Variants in PGM1 observed in about 807,000 individuals in gnomAD.
PGM1 encodes the protein phosphoglucomutase-1.
PGM1 carries 52 observed loss-of-function variants against 55.6 expected under a neutral mutation model. The observed-to-expected ratio is 0.94, with a 90% CI of 0.75 to 1.18. The LOEUF is 1.18. PGM1 is among the 50% of genes most tolerant of loss of function. The pLI, the probability that PGM1 is intolerant of heterozygous loss-of-function variation, is 0.00. For missense variants in PGM1, 724 were observed against 729.3 expected (o/e 0.99, Z 0.08); for synonymous variants, 287 against 271.7 (o/e 1.06, Z -0.55).
intron 7 of PGM1, among the ~76,000 whole-genome samples, chr1:63,643,576 T>C (rs1397820430): frequency 6.6e-6 from 1 of 152,132 alleles, no homozygotes; most frequent in Non-Finnish European, 1.5e-5. Flanking sequence ...TCTGAGGAGC[T>C]CACCTTCCTT....
intron 1 of PGM1, among the ~76,000 whole-genome samples, chr1:63,609,682 G>T (rs1648516133): frequency 6.6e-6 from 1 of 152,170 alleles, no homozygotes; most frequent in Non-Finnish European, 1.5e-5. Context: ...CTCTAGGAGT[G>T]AGCCACACCT....
intron 10 of PGM1, among the ~76,000 whole-genome samples, chr1:63,656,739 A>G (rs1384012896): frequency 6.6e-6 from 1 of 152,220 alleles, no homozygotes; most frequent in Non-Finnish European, 1.5e-5. Context: ...CAGAAAGGCA[A>G]ATACTGCATG....
At chr1:63,652,289 G>A (rs1173904677) in intron 9 of PGM1, among the ~76,000 whole-genome samples, 6 of 152,166 alleles carry the variant, frequency 3.9e-5, no homozygotes, top group Non-Finnish European at 5.9e-5. Flanking sequence ...CGTTTCTCTC[G>A]TATGTTCTAA....
chr1:63,658,752 CA>C (rs35160588), intron 10 of PGM1, among the ~76,000 whole-genome samples: 41,834 of 119,360 alleles, frequency 0.35, 6,132 homozygotes, highest in African/African-American at 0.46. Flanking sequence ...AACTCCATCT[CA>C]AAAAAAAAAA....
intron 10 of PGM1, among the ~76,000 whole-genome samples, chr1:63,655,459 C>T (rs1176449852): frequency 6.6e-6 from 1 of 152,144 alleles, no homozygotes; most frequent in African/African-American, 2.4e-5. Context: ...AGACCTGCAG[C>T]TTGGTAAGCT....
At chr1:63,607,200 A>G (rs190049173) in intron 1 of PGM1, among the ~76,000 whole-genome samples, 2 of 152,288 alleles carry the variant, frequency 1.3e-5, no homozygotes, top group Non-Finnish European at 2.9e-5. Context: ...TAGACTTTAC[A>G]TGGACCAAAT....
In PGM1 at chr1:63,638,784, G is replaced by A. The variant is rs762967889; in HGVS notation, c.1128G>A (p.Glu376=). Residue 376 remains glutamate, a synonymous_variant, in exon 7 of 11, where the codon GAG becomes GAA. Transcript: ENST00000371084. The part of the protein sequence containing the change: ...MDASKLSLCG[E]ESFGTGSDHI... ...CGAGCAAACTGTCCCTTTGTGGGGA[G>A]GAGAGCTTCGGGACCGGTAAGTCAC... 3 of 1,613,132 alleles carry A rather than the reference G, an allele frequency of 1.9e-6. No homozygotes were observed. The highest frequency in any genetic ancestry group is 3.3e-5 in the Admixed American group (2 of 60,018).
intron 1 of PGM1, among the ~76,000 whole-genome samples, chr1:63,595,851 A>G (rs2301063): frequency 0.19 from 29,361 of 152,154 alleles, 3,090 homozygotes; most frequent in African/African-American, 0.28. Flanking sequence ...AAGACTAAAA[A>G]AAAAAGTTCT....
intron 1 of PGM1, chr1:63,594,214 A>G: frequency 1.2e-6 from 1 of 826,554 alleles, no homozygotes; most frequent in Middle Eastern, 6.0e-4. Context: ...CTCGGCTAGG[A>G]CTGGCGCTTC....
At chr1:63,643,338 G>A (rs926723655) in intron 7 of PGM1, among the ~76,000 whole-genome samples, 3 of 152,196 alleles carry the variant, frequency 2.0e-5, no homozygotes, top group Admixed American at 6.5e-5. Flanking sequence ...TATGTGCTTG[G>A]TACATGCTGG....
chr1:63,636,442 C>T lies in PGM1; in HGVS notation c.1028+54C>T, dbSNP rs905323893. Reference sequence around the variant, plus strand: ...TGTCTTAGGTCGTCCCAGTCTTCACCATACCCTTCACTGTGCCTGGAACAC... The same window carrying T: ...TGTCTTAGGTCGTCCCAGTCTTCACTATACCCTTCACTGTGCCTGGAACAC... On this transcript the variant is annotated intron_variant, in intron 6 of 10. Transcript: ENST00000371084. 27 of 1,554,742 alleles carry T rather than the reference C, an allele frequency of 1.7e-5. No homozygotes were observed. The East Asian group carries it at 2.0e-4, about 12-fold the overall frequency.
intron 1 of PGM1, among the ~76,000 whole-genome samples, chr1:63,613,840 T>G (rs1033972675): frequency 2.2e-4 from 34 of 152,230 alleles, no homozygotes; most frequent in Non-Finnish European, 1.6e-4. Flanking sequence ...CAGTAGCCCT[T>G]TGGGAGTCAC....
At chr1:63,654,269 A>T (rs903553832) in intron 9 of PGM1, 63 bp from the exon 10 acceptor site, 1 of 1,551,406 alleles carries the variant, frequency 6.4e-7, no homozygotes, top group Non-Finnish European at 8.9e-7. Flanking sequence ...TAGACCCCTC[A>T]TAATTTGCCA....
rs66609334 is a variant in PGM1, at chr1:63,627,065, CCACA to C, written c.247-2348_247-2345del. 2.3e-3 allele frequency among the ~76,000 whole-genome samples: 223 copies of C among 98,286 alleles called. 8 individuals carry two copies. In the East Asian group the frequency reaches 0.061, roughly 27 times the overall value. 64.5% of individuals were successfully genotyped at this position (98,286 alleles called of 152,430 possible). ...GGCATATGGCAGGACCCCCCCCCCC[CCACA>C]CACACACACACTTTTAAGGCTGAAT... On this transcript the variant is annotated intron_variant, in intron 1 of 10. Coordinates refer to ENST00000371084, the MANE Select transcript of PGM1 (RefSeq NM_002633.3).
At chr1:63,625,397 T>C (rs1322420868) in intron 1 of PGM1, among the ~76,000 whole-genome samples, 1 of 152,236 alleles carries the variant, frequency 6.6e-6, no homozygotes, top group Non-Finnish European at 1.5e-5. Context: ...GCACTGCATT[T>C]AAAACAGTCA....
chr1:63,658,543 G>A (rs908308018), intron 10 of PGM1, among the ~76,000 whole-genome samples: 7 of 151,838 alleles, frequency 4.6e-5, no homozygotes, highest in Middle Eastern at 3.4e-3. Flanking sequence ...ACCTGAGGTC[G>A]GGAGTTCAAG....
chr1:63,634,628 C>T (rs1649312581), intron 4 of PGM1, among the ~76,000 whole-genome samples: 1 of 152,160 alleles, frequency 6.6e-6, no homozygotes, highest in Non-Finnish European at 1.5e-5. Context: ...CCAACATAAT[C>T]TCTCATTGTT....
intron 9 of PGM1, among the ~76,000 whole-genome samples, chr1:63,652,726 G>C (rs1046172211): frequency 1.3e-5 from 2 of 152,140 alleles, no homozygotes; most frequent in Admixed American, 1.3e-4. Flanking sequence ...TGGAAGGGCC[G>C]GGCCGTGGGA....
intron 1 of PGM1, chr1:63,594,087 C>T: frequency 2.9e-6 from 3 of 1,040,302 alleles, no homozygotes; most frequent in Non-Finnish European, 3.5e-6. Context: ...TTGCCCTAAC[C>T]TTGCAGCCTT....
Sources: allele counts gnomAD v4.1 joint callset (sites outside exome capture counted in the v4.1 genomes callset), GRCh38; gene constraint gnomAD v4.1.1; transcripts MANE v1.5; gene names NCBI Gene and HGNC (gene_info 2026-07-23, HGNC 2026-07-21).